Variants in XIRP2 observed in about 807,000 individuals in gnomAD.
XIRP2 encodes xin actin binding repeat containing 2, also known as xin actin-binding repeat-containing protein 2.
Under a neutral mutation model 277.0 loss-of-function variants are expected in XIRP2, and 236 were observed. That is an observed-to-expected ratio of 0.85 (90% CI 0.77 to 0.95). XIRP2 has a LOEUF of 0.95. XIRP2 is among the 40% of genes least tolerant of loss of function. The pLI is 0.00. For missense variants in XIRP2, 4,640 were observed against 4,157.5 expected, an observed-to-expected ratio of 1.12 and a Z score of -3.19; for synonymous variants, 1,490 against 1,416.5, an observed-to-expected ratio of 1.05 and a Z score of -1.17.
intron 2 of XIRP2, among the ~76,000 whole-genome samples, chr2:166,928,807 A>G (rs964151133): frequency 5.3e-5 from 8 of 152,168 alleles, no homozygotes; most frequent in African/African-American, 1.7e-4. Flanking sequence ...AAGACTGTCA[A>G]AACTCACCTT....
At chr2:167,087,635 A>G (rs973739156) in intron 2 of XIRP2, among the ~76,000 whole-genome samples, 2 of 152,180 alleles carry the variant, frequency 1.3e-5, no homozygotes, top group Admixed American at 6.5e-5. Flanking sequence ...TGCGGGATAT[A>G]ATCTCGTGGT....
chr2:167,162,353 T>G (rs545441913), intron 3 of XIRP2, among the ~76,000 whole-genome samples: 1 of 152,358 alleles, frequency 6.6e-6, no homozygotes, highest in South Asian at 2.1e-4. Context: ...TTCCTGAGAC[T>G]GGGCAATTTA....
intron 2 of XIRP2, among the ~76,000 whole-genome samples, chr2:166,987,396 C>A (rs998590002): frequency 6.6e-6 from 1 of 152,138 alleles, no homozygotes; most frequent in Admixed American, 6.5e-5. Context: ...GAGAACAAGA[C>A]AACAGCATCC....
intron 3 of XIRP2, among the ~76,000 whole-genome samples, chr2:167,176,149 A>G (rs1000480459): frequency 1.1e-4 from 16 of 152,064 alleles, no homozygotes; most frequent in African/African-American, 3.1e-4. Context: ...TTGGCATTCC[A>G]GGTGCCAACT....
chr2:167,221,384 C>T (rs1488308950), intron 5 of XIRP2, among the ~76,000 whole-genome samples: 4 of 140,694 alleles, frequency 2.8e-5, no homozygotes, highest in African/African-American at 1.1e-4. Context: ...AGCTTGAGCC[C>T]GGGAGGTGAA....
Position 167,251,255 on chromosome 2 carries a change from A to C in XIRP2, c.9863A>C (p.Glu3288Ala). 1 of 1,613,636 alleles carries C rather than the reference A, an allele frequency of 6.2e-7. No individual in the cohort carries two copies. The highest frequency in any genetic ancestry group is 8.5e-7 in the Non-Finnish European group (1 of 1,179,708). Residue 3288 changes from glutamate to alanine, a missense_variant, in exon 9 of 11, where the codon GAA (glutamate) becomes GCA (alanine). Physicochemically the swap from Glu to Ala is moderately radical, Grantham distance 107. Transcript: ENST00000409195. ...ACTGATCACATGGTGCCCGACACTG[A>C]AAGTTATGATGCAGTTGAAATCATC... The part of the protein sequence containing the change: ...NSTDHMVPDT[E>A]SYDAVEIIRK...
intron 4 of XIRP2, among the ~76,000 whole-genome samples, chr2:167,211,877 A>G (rs772772303): frequency 1.3e-5 from 2 of 152,284 alleles, no homozygotes; most frequent in South Asian, 2.1e-4. Context: ...GGGGTTCTGT[A>G]TTCTGTGGCC....
chr2:167,175,671 TG>T lies in XIRP2; in HGVS notation c.563-35062del, dbSNP rs901722282. Among the ~76,000 whole-genome samples the T allele has an allele frequency of 7.2e-5, 11 of 152,146 alleles. 1 individual carries two copies. The highest frequency in any genetic ancestry group is 7.2e-4 in the Admixed American group (11 of 15,270). The stretch of plus-strand genomic sequence containing the variant: ...CTTAACAGAGCTTGAACGCTGTCCT[TG>T]GAGATGCACTACTCTCTTCAGAGCC... On this transcript the variant is annotated intron_variant, in intron 3 of 10. Coordinates refer to ENST00000409195, the MANE Select transcript of XIRP2 (RefSeq NM_152381.6).
chr2:167,092,359 G>A (rs183083479), intron 2 of XIRP2, among the ~76,000 whole-genome samples: 2 of 152,158 alleles, frequency 1.3e-5, no homozygotes, highest in Non-Finnish European at 1.5e-5. Context: ...TTTCATGCTT[G>A]AGGAAGAAAG....
Position 167,248,380 on chromosome 2 carries a change from T to A in XIRP2, c.6988T>A (p.Ser2330Thr), listed in dbSNP as rs1303866394. ...PEKNGFLPSL[S>T]TEKIKAEFES... ...AAAAAATGGGTTTCTTCCCTCACTG[T>A]CCACAGAGAAGATAAAGGCTGAATT... Residue 2330 changes from serine to threonine, a missense_variant, in exon 9 of 11, where the codon TCC becomes ACC. Transcript: ENST00000409195. 1.9e-6 allele frequency: 3 copies of A among 1,613,604 alleles called. No homozygotes were observed. The East Asian group carries it at 6.7e-5, about 36-fold the overall frequency.
At chr2:166,961,222 T>A (rs1686288648) in intron 2 of XIRP2, among the ~76,000 whole-genome samples, 1 of 151,648 alleles carries the variant, frequency 6.6e-6, no homozygotes, top group African/African-American at 2.4e-5. Flanking sequence ...TAGAGTTTTT[T>A]CTTCCCTTGG....
rs1684816028 is a variant in XIRP2, at chr2:166,914,723, G to A, written c.408+10833G>A. Reference sequence around the variant, plus strand: ...GGAAGCTAATACAGTTACATTATAGGTCTTTTAAACATTGTTTAAAAATGG... The same window carrying A: ...GGAAGCTAATACAGTTACATTATAGATCTTTTAAACATTGTTTAAAAATGG... On this transcript the variant is annotated intron_variant, in intron 2 of 10. Coordinates refer to ENST00000409195, the MANE Select transcript of XIRP2 (RefSeq NM_152381.6). Among the ~76,000 whole-genome samples the A allele has an allele frequency of 2.0e-5, 3 of 152,078 alleles. No homozygotes were observed. In the South Asian group the frequency reaches 6.2e-4, roughly 32 times the overall value.
At chr2:167,001,529 G>GA (rs1282043037) in intron 2 of XIRP2, among the ~76,000 whole-genome samples, 4 of 152,022 alleles carry the variant, frequency 2.6e-5, no homozygotes, top group Non-Finnish European at 5.9e-5. Context: ...TATGAAACCA[G>GA]AAAAAATATG....
intron 3 of XIRP2, among the ~76,000 whole-genome samples, chr2:167,209,312 C>A (rs538117667): frequency 6.6e-6 from 1 of 152,066 alleles, no homozygotes; most frequent in African/African-American, 2.4e-5. Context: ...TTTTTCTAGG[C>A]CACAGAAATT....
chr2:166,935,247 A>G (rs1400375051), intron 2 of XIRP2, among the ~76,000 whole-genome samples: 1 of 152,228 alleles, frequency 6.6e-6, no homozygotes, highest in Non-Finnish European at 1.5e-5. Flanking sequence ...GATGTGGGAA[A>G]ATGATGAATA....
intron 3 of XIRP2, among the ~76,000 whole-genome samples, chr2:167,171,969 T>C (rs577909517): frequency 6.6e-6 from 1 of 152,314 alleles, no homozygotes; most frequent in East Asian, 1.9e-4. Flanking sequence ...ATTTACGGGG[T>C]ACATGAAATA....
intron 3 of XIRP2, among the ~76,000 whole-genome samples, chr2:167,168,978 G>A (rs1451224038): frequency 1.3e-5 from 2 of 151,982 alleles, no homozygotes; most frequent in Admixed American, 6.6e-5. Context: ...TAATTCCAAC[G>A]TCCCTGCCAT....
chr2:166,893,886 CAA>C (rs1646520205), intron 1 of XIRP2, among the ~76,000 whole-genome samples: 1 of 152,064 alleles, frequency 6.6e-6, no homozygotes, highest in Admixed American at 6.6e-5. Context: ...ATACAAGAAA[CAA>C]GAGTTATGAC....
Position 167,244,922 on chromosome 2 carries a change from T to C in XIRP2, c.3530T>C (p.Ile1177Thr). ...FLFETENLDS[I>T]QGEEVKEIKP... ...TTTGAGACAGAAAATTTGGACAGCA[T>C]ACAAGGAGAAGAAGTGAAGGAAATC... The change falls in exon 9 of 11, where the codon ATA becomes ACA. Residue 1177 changes from isoleucine (I) to threonine (T), a missense_variant. Ile to Thr is a moderately conservative substitution (Grantham distance 89). Coordinates refer to ENST00000409195, the MANE Select transcript of XIRP2 (RefSeq NM_152381.6). The C allele has an allele frequency of 1.2e-6, 2 of 1,612,984 alleles. No individual in the cohort carries two copies. The highest frequency in any genetic ancestry group is 1.7e-6 in the Non-Finnish European group (2 of 1,179,606).
Sources: gnomAD v4.1 joint callset for allele counts (sites outside exome capture counted in the v4.1 genomes callset) on GRCh38, gnomAD v4.1.1 for gene constraint, MANE v1.5 for transcripts, NCBI Gene and HGNC (gene_info 2026-07-23, HGNC 2026-07-21) for gene names.